RPAP2: variants seen among roughly 807,000 people sequenced by gnomAD.
RPAP2 encodes the protein putative RNA polymerase II subunit B1 CTD phosphatase RPAP2.
Under a neutral mutation model 73.1 loss-of-function variants are expected in RPAP2, and 52 were observed. That is an observed-to-expected ratio of 0.71 (90% CI 0.57 to 0.90). The LOEUF is 0.90. RPAP2 is among the 40% of genes least tolerant of loss of function. The pLI, the probability that RPAP2 is intolerant of heterozygous loss-of-function variation, is 0.00. For synonymous variants in RPAP2, 225 were observed against 242.1 expected, an observed-to-expected ratio of 0.93 and a Z score of 0.65; for missense variants, 598 against 701.8, an observed-to-expected ratio of 0.85 and a Z score of 1.67.
At chr1:92,374,556 T>C (rs1025599360) in intron 11 of RPAP2, among the ~76,000 whole-genome samples, 1 of 152,140 alleles carries the variant, frequency 6.6e-6, no homozygotes, top group Non-Finnish European at 1.5e-5. Context: ...ATGACACCTA[T>C]CATTAGGGCA....
rs1382714467 is a variant in RPAP2, at chr1:92,304,350, G to A, written c.399+1G>A. ...AGTCTATGATATTACTGAAAGAAAG[G>A]TGAGTTTAAAGGCTTTCATTGTGGC... On this transcript the variant is annotated splice_donor_variant, in intron 5 of 12. Transcript: ENST00000610020. LOFTEE classifies it high-confidence loss of function. The A allele has an allele frequency of 2.7e-6, 4 of 1,504,258 alleles. No individual in the cohort carries two copies. The South Asian group carries it at 4.8e-5, about 18-fold the overall frequency. The allele number at this position is 1,504,258 out of a possible 1,614,324, so 93.2% of individuals were successfully genotyped here.
At chr1:92,349,244 G>T (rs923802964) in intron 11 of RPAP2, among the ~76,000 whole-genome samples, 1 of 152,096 alleles carries the variant, frequency 6.6e-6, no homozygotes, top group African/African-American at 2.4e-5. Flanking sequence ...ATTCTAAATG[G>T]CAGTTGTCAC....
At chr1:92,355,886 T>A (rs1654437695) in intron 11 of RPAP2, among the ~76,000 whole-genome samples, 1 of 152,144 alleles carries the variant, frequency 6.6e-6, no homozygotes, top group African/African-American at 2.4e-5. Flanking sequence ...GTCCCAAGCA[T>A]TTTAGATAAG....
chr1:92,304,363 C>T lies in RPAP2; in HGVS notation c.399+14C>T, dbSNP rs1479564771. 2.1e-6 allele frequency: 3 copies of T among 1,445,258 alleles called. No homozygotes were observed. Among genetic ancestry groups the T allele is most frequent in the Non-Finnish European group, 2.8e-6 (3 of 1,057,598 alleles). 89.5% of individuals were successfully genotyped at this position (1,445,258 alleles called of 1,614,324 possible). On this transcript the variant is annotated intron_variant, in intron 5 of 12. Coordinates refer to ENST00000610020, the MANE Select transcript of RPAP2 (RefSeq NM_024813.3). ...ACTGAAAGAAAGGTGAGTTTAAAGGCTTTCATTGTGGCAATTAATTTTTTT... is the reference window on the plus strand; with the variant it reads ...ACTGAAAGAAAGGTGAGTTTAAAGGTTTTCATTGTGGCAATTAATTTTTTT...
At chr1:92,339,793 A>G (rs1228852164) in intron 10 of RPAP2, among the ~76,000 whole-genome samples, 2 of 152,184 alleles carry the variant, frequency 1.3e-5, no homozygotes, top group Non-Finnish European at 2.9e-5. Context: ...GAGACATTCA[A>G]CTGCCCTTTT....
intron 11 of RPAP2, among the ~76,000 whole-genome samples, chr1:92,369,877 T>C (rs181564544): frequency 5.9e-5 from 9 of 152,236 alleles, no homozygotes; most frequent in Non-Finnish European, 1.3e-4. Flanking sequence ...GTAAACATTT[T>C]TATTTTGTAT....
chr1:92,344,515 T>A (rs923321995), intron 10 of RPAP2, among the ~76,000 whole-genome samples: 1 of 152,242 alleles, frequency 6.6e-6, no homozygotes, highest in African/African-American at 2.4e-5. Flanking sequence ...TTTATAAATA[T>A]GCCACAGTTT....
intron 11 of RPAP2, among the ~76,000 whole-genome samples, chr1:92,380,230 A>G (rs1426142617): frequency 1.3e-5 from 2 of 151,336 alleles, no homozygotes; most frequent in Non-Finnish European, 2.9e-5. Context: ...GTGAGCTGAG[A>G]TTGTACCACT....
chr1:92,386,140 T>C (rs189139705), intron 12 of RPAP2, among the ~76,000 whole-genome samples: 2 of 152,234 alleles, frequency 1.3e-5, no homozygotes, highest in Non-Finnish European at 2.9e-5. Flanking sequence ...ACAGTCTTTT[T>C]GTATTAATAA....
At chr1:92,371,776 C>T (rs1655164215) in intron 11 of RPAP2, among the ~76,000 whole-genome samples, 1 of 150,258 alleles carries the variant, frequency 6.7e-6, no homozygotes, top group Admixed American at 6.6e-5. Flanking sequence ...CCTGTATTCC[C>T]AGCACTTTGG....
At chr1:92,373,781 G>A (rs1439338705) in intron 11 of RPAP2, among the ~76,000 whole-genome samples, 7 of 145,488 alleles carry the variant, frequency 4.8e-5, no homozygotes, top group African/African-American at 7.6e-5. Context: ...GTAGCCAGGC[G>A]TGGTGGTGGC....
intron 8 of RPAP2, among the ~76,000 whole-genome samples, chr1:92,329,626 C>T (rs976943863): frequency 2.0e-5 from 3 of 152,140 alleles, no homozygotes; most frequent in Admixed American, 2.0e-4. Context: ...CTCCACATGC[C>T]GCTCTGTCTG....
At chr1:92,334,630 C>G (rs1005806141) in intron 9 of RPAP2, among the ~76,000 whole-genome samples, 1 of 151,962 alleles carries the variant, frequency 6.6e-6, no homozygotes, top group Non-Finnish European at 1.5e-5. Context: ...AGGGGATCAC[C>G]TGAAGCCAGG....
At chr1:92,323,002 C>T in intron 7 of RPAP2, among the ~76,000 whole-genome samples, 1 of 143,896 alleles carries the variant, frequency 6.9e-6, no homozygotes, top group African/African-American at 2.5e-5. Context: ...AATATGTGTA[C>T]ATATAAATAT....
chr1:92,360,543 G>A (rs7512301), intron 11 of RPAP2, among the ~76,000 whole-genome samples: 131,369 of 152,174 alleles, frequency 0.86, 57,131 homozygotes, highest in East Asian at 1. Flanking sequence ...GGAAGGAGAC[G>A]TTAGACAGGC....
intron 11 of RPAP2, among the ~76,000 whole-genome samples, chr1:92,355,254 C>T (rs1654406635): frequency 6.6e-6 from 1 of 152,112 alleles, no homozygotes; most frequent in South Asian, 2.1e-4. Flanking sequence ...AACTCAGTCT[C>T]ATTCTGGATA....
chr1:92,345,987 C>A, intron 11 of RPAP2, 73 bp downstream of exon 11: 1 of 1,069,492 alleles, frequency 9.4e-7, no homozygotes, highest in Non-Finnish European at 1.4e-6. Context: ...ACAAAGTGAT[C>A]CACTGATTTT....
chr1:92,378,705 T>G (rs184213134), intron 11 of RPAP2, among the ~76,000 whole-genome samples: 22 of 152,296 alleles, frequency 1.4e-4, no homozygotes, highest in Admixed American at 1.2e-3. Context: ...TAGAGTTAGC[T>G]TCTCGGTTCC....
intron 8 of RPAP2, among the ~76,000 whole-genome samples, chr1:92,330,745 C>T (rs1380965590): frequency 3.3e-5 from 5 of 152,078 alleles, no homozygotes; most frequent in African/African-American, 1.2e-4. Context: ...AACCACCACG[C>T]CTGGCCTGTG....
Sources: allele counts gnomAD v4.1 joint callset (sites outside exome capture counted in the v4.1 genomes callset), GRCh38; gene constraint gnomAD v4.1.1; transcripts MANE v1.5; gene names NCBI Gene and HGNC (gene_info 2026-07-23, HGNC 2026-07-21).